STAP1: variants seen among roughly 807,000 people sequenced by gnomAD.
STAP1 encodes signal-transducing adaptor protein 1.
Under a neutral mutation model 37.8 loss-of-function variants are expected in STAP1, and 30 were observed. That is an observed-to-expected ratio of 0.79 (90% CI 0.59 to 1.08). The LOEUF (loss-of-function observed/expected upper bound fraction) is 1.08. Among genes scored for constraint, STAP1 ranks in the 50% least tolerant of loss-of-function variants. The probability of loss-of-function intolerance (pLI) is 0.00; values close to 1 mark genes in which losing one functional copy is unlikely to be tolerated. For synonymous variants in STAP1, 130 were observed against 116.0 expected, an observed-to-expected ratio of 1.12 and a Z score of -0.78; for missense variants, 357 against 349.4, an observed-to-expected ratio of 1.02 and a Z score of -0.17.
chr4:67,580,743 A>G (rs921038293), intron 4 of STAP1, among the ~76,000 whole-genome samples: 3 of 152,270 alleles, frequency 2.0e-5, no homozygotes, highest in Non-Finnish European at 4.4e-5. Flanking sequence ...GGTAACAACC[A>G]CCACAAAACC....
chr4:67,581,177 C>A lies in STAP1; in HGVS notation c.364-128C>A, dbSNP rs930647367. ...ACTAAAATCCTCTGTTTCTTATTCC[C>A]TTAGTCCCTACTCATTCACCTCTGT... On this transcript the variant is annotated intron_variant, in intron 4 of 8. Coordinates refer to ENST00000265404, the MANE Select transcript of STAP1 (RefSeq NM_012108.4). The A allele has an allele frequency of 8.1e-6, 7 of 860,288 alleles. No homozygotes were observed. The African/African-American group carries it at 8.6e-5, about 11-fold the overall frequency. 53.3% of individuals were successfully genotyped at this position (860,288 alleles called of 1,614,324 possible). A position where few individuals can be genotyped will look rare whatever the true frequency, so the allele number is the denominator to read the frequency against.
chr4:67,577,268 C>T lies in STAP1; in HGVS notation c.363+9C>T, dbSNP rs1396345954. 1.3e-6 allele frequency: 2 copies of T among 1,597,906 alleles called. No individual in the cohort carries two copies. The highest frequency in any genetic ancestry group is 8.5e-7 in the Non-Finnish European group (1 of 1,173,592). ...TTCTTACAGTAACAGAGGTAGGAAG[C>T]TCACTGCTTTTGATTGATTCTTTTT... On this transcript the variant is annotated intron_variant, in intron 4 of 8. Transcript: ENST00000265404.
rs1167789231 is a variant in STAP1, at chr4:67,593,290, G to A, written c.760G>A (p.Asp254Asn). ...ACTCCCAAACCTTTTCAGTGTCATT[G>A]ATTATTTTGTGAAGGAGACTCGAGG... is the stretch of plus-strand genomic sequence containing the variant. ...VTLPNLFSVI[D>N]YFVKETRGNL... is the part of the protein sequence containing the mutation. Residue 254 changes from aspartate (D) to asparagine (N), a missense_variant, in exon 8 of 9, where the codon GAT (aspartate) becomes AAT (asparagine). Coordinates refer to ENST00000265404, the MANE Select transcript of STAP1 (RefSeq NM_012108.4). 1.7e-5 allele frequency: 27 copies of A among 1,613,088 alleles called. No homozygotes were observed. Among genetic ancestry groups the A allele is most frequent in the Non-Finnish European group, 2.2e-5 (26 of 1,179,664 alleles).
At chr4:67,586,199 C>T (rs1455748374) in intron 6 of STAP1, among the ~76,000 whole-genome samples, 2 of 152,186 alleles carry the variant, frequency 1.3e-5, no homozygotes, top group African/African-American at 4.8e-5. Flanking sequence ...TGGCTCACAC[C>T]TGTAATCCCA....
At chr4:67,573,388 C>T (rs982737005) in intron 2 of STAP1, among the ~76,000 whole-genome samples, 10 of 152,122 alleles carry the variant, frequency 6.6e-5, no homozygotes, top group African/African-American at 2.4e-4. Flanking sequence ...ACCTTTAAGC[C>T]TCTTCACAAG....
chr4:67,591,483 G>A (rs1728118408), intron 7 of STAP1, among the ~76,000 whole-genome samples: 1 of 152,106 alleles, frequency 6.6e-6, no homozygotes, highest in Admixed American at 6.6e-5. Flanking sequence ...ATATTGTTAT[G>A]CCTTTTATAC....
At chr4:67,603,765 G>C (rs58160337) in intron 8 of STAP1, among the ~76,000 whole-genome samples, 1 of 152,022 alleles carries the variant, frequency 6.6e-6, no homozygotes, top group East Asian at 1.9e-4. Flanking sequence ...TGCTTTCCAA[G>C]TTTATGCTCC....
At chr4:67,592,867 A>G (rs556349382) in intron 7 of STAP1, among the ~76,000 whole-genome samples, 1 of 152,246 alleles carries the variant, frequency 6.6e-6, no homozygotes, top group East Asian at 1.9e-4. Context: ...CAATTTTCGT[A>G]GAGACAGGAT....
At chr4:67,603,012 C>G (rs1378971059) in intron 8 of STAP1, among the ~76,000 whole-genome samples, 1 of 152,158 alleles carries the variant, frequency 6.6e-6, no homozygotes, top group Non-Finnish European at 1.5e-5. Context: ...TCAAGAAATG[C>G]CATCCAGGAG....
chr4:67,573,243 A>G (rs191004266), intron 2 of STAP1, among the ~76,000 whole-genome samples: 35 of 152,310 alleles, frequency 2.3e-4, no homozygotes, highest in South Asian at 8.3e-4. Flanking sequence ...TTAATACAAG[A>G]AAAAACTTGC....
chr4:67,585,958 T>C (rs1012112193), intron 6 of STAP1, among the ~76,000 whole-genome samples: 4 of 152,222 alleles, frequency 2.6e-5, no homozygotes, highest in Non-Finnish European at 5.9e-5. Flanking sequence ...TAACACTGAA[T>C]TAAAAATTAA....
At chr4:67,574,224 C>A (rs1394705728) in intron 2 of STAP1, among the ~76,000 whole-genome samples, 1 of 152,050 alleles carries the variant, frequency 6.6e-6, no homozygotes, top group Admixed American at 6.6e-5. Flanking sequence ...ACAATTGATT[C>A]TCACAGAATG....
intron 6 of STAP1, among the ~76,000 whole-genome samples, chr4:67,586,527 G>A (rs116579311): frequency 0.014 from 2,146 of 152,198 alleles, 31 homozygotes; most frequent in South Asian, 0.028. Flanking sequence ...TTTTAAGGTG[G>A]TCTAGATTAG....
chr4:67,599,096 T>C (rs1074278), intron 8 of STAP1, among the ~76,000 whole-genome samples: 24,009 of 152,152 alleles, frequency 0.16, 3,205 homozygotes, highest in African/African-American at 0.36. Flanking sequence ...TAATCTAATA[T>C]GTTGTTGAAT....
Position 67,606,519 on chromosome 4 carries a change from A to G in STAP1, c.*162A>G. The stretch of plus-strand genomic sequence containing the variant: ...AAACATTGTACCATACAATTTCATT[A>G]TCTTATCAGAATGAAACCAATTCAC... On this transcript the variant is annotated 3_prime_UTR_variant, in exon 9 of 9. Transcript: ENST00000265404. 1.6e-6 allele frequency: 1 copy of G among 627,036 alleles called. No individual in the cohort carries two copies. Among genetic ancestry groups the G allele is most frequent in the South Asian group, 2.6e-5 (1 of 38,030 alleles). 38.8% of individuals were successfully genotyped at this position (627,036 alleles called of 1,614,324 possible). A position where few individuals can be genotyped will look rare whatever the true frequency, so the allele number is the denominator to read the frequency against.
At chr4:67,561,101 A>G (rs1310931729) in intron 1 of STAP1, among the ~76,000 whole-genome samples, 2 of 152,232 alleles carry the variant, frequency 1.3e-5, no homozygotes, top group African/African-American at 4.8e-5. Flanking sequence ...CCCTTTCATC[A>G]CTTATCATAC....
At chr4:67,562,336 C>G (rs546866771) in intron 1 of STAP1, among the ~76,000 whole-genome samples, 1 of 151,568 alleles carries the variant, frequency 6.6e-6, no homozygotes, top group Non-Finnish European at 1.5e-5. Context: ...AGCGAAACTC[C>G]GTCTCAAAAA....
intron 4 of STAP1, among the ~76,000 whole-genome samples, chr4:67,579,617 GA>G (rs1480587376): frequency 1.3e-5 from 2 of 152,072 alleles, no homozygotes; most frequent in Non-Finnish European, 2.9e-5. Flanking sequence ...GGTGAAGGGG[GA>G]ACAGACATAT....
In STAP1 at chr4:67,574,574, C is replaced by G. The variant is rs1054733245; in HGVS notation, c.193-811C>G. 8.5e-5 allele frequency among the ~76,000 whole-genome samples: 13 copies of G among 152,226 alleles called. No individual in the cohort carries two copies. In the East Asian group the frequency reaches 2.1e-3, roughly 25 times the overall value. On this transcript the variant is annotated intron_variant, in intron 2 of 8. Coordinates refer to ENST00000265404, the MANE Select transcript of STAP1 (RefSeq NM_012108.4). ...TAGAGTGAAACAGATTCAGACACAA[C>G]AAACCTATCTCATCTGCATATTAAC... is the stretch of plus-strand genomic sequence containing the variant.
Sources: gnomAD v4.1 joint callset for allele counts (sites outside exome capture counted in the v4.1 genomes callset) on GRCh38, gnomAD v4.1.1 for gene constraint, MANE v1.5 for transcripts, NCBI Gene and HGNC (gene_info 2026-07-23, HGNC 2026-07-21) for gene names.